ARRB1: variants seen among roughly 807,000 people sequenced by gnomAD.
ARRB1 encodes the protein arrestin beta 1.
Under a neutral mutation model 56.8 loss-of-function variants are expected in ARRB1, and 21 were observed. The ratio of observed to expected loss-of-function variants is 0.37; its 90% CI spans 0.26 to 0.53. ARRB1 has a LOEUF of 0.53. Among genes scored for constraint, ARRB1 ranks in the 20% least tolerant of loss-of-function variants. The pLI, the probability that ARRB1 is intolerant of heterozygous loss-of-function variation, is 0.88. For missense variants in ARRB1, 424 were observed against 553.7 expected (o/e 0.77, Z 2.35); for synonymous variants, 210 against 218.6 (o/e 0.96, Z 0.35).
At chr11:75,339,751 G>A (rs1360587564) in intron 1 of ARRB1, among the ~76,000 whole-genome samples, 1 of 152,224 alleles carries the variant, frequency 6.6e-6, no homozygotes, top group Non-Finnish European at 1.5e-5. Flanking sequence ...TGAGGGCAGA[G>A]ACTTGTCTGG....
intron 14 of ARRB1, 121 bp from the exon 15 acceptor site, chr11:75,267,824 G>C (rs35011100): frequency 6.2e-4 from 506 of 810,220 alleles, no homozygotes; most frequent in Non-Finnish European, 9.3e-4. Flanking sequence ...AAAGGATAAA[G>C]GGGAATGGAG....
intron 1 of ARRB1, among the ~76,000 whole-genome samples, chr11:75,329,516 C>A (rs1947487782): frequency 6.6e-6 from 1 of 152,072 alleles, no homozygotes; most frequent in Admixed American, 6.5e-5. Context: ...CTTGCAGAGC[C>A]CCTCCTGTTA....
intron 13 of ARRB1, chr11:75,269,176 C>T (rs560755630): frequency 2.6e-5 from 19 of 737,234 alleles, no homozygotes; most frequent in Non-Finnish European, 4.5e-5. Flanking sequence ...GAAATGGAAG[C>T]CTCCTCTTTC....
At chr11:75,302,317 G>A (rs980564368) in intron 1 of ARRB1, among the ~76,000 whole-genome samples, 6 of 152,236 alleles carry the variant, frequency 3.9e-5, no homozygotes, top group Admixed American at 2.0e-4. Flanking sequence ...TGGCCATGAA[G>A]CATATTTTTG....
intron 3 of ARRB1, among the ~76,000 whole-genome samples, chr11:75,285,367 CAGG>C (rs1946445166): frequency 3.3e-5 from 5 of 152,254 alleles, no homozygotes; most frequent in African/African-American, 1.2e-4. Flanking sequence ...CTCAGCACCC[CAGG>C]AGGCCAGAAA....
chr11:75,279,203 G>A (rs1946271323), intron 7 of ARRB1, among the ~76,000 whole-genome samples: 1 of 152,224 alleles, frequency 6.6e-6, no homozygotes, highest in Non-Finnish European at 1.5e-5. Context: ...GACTGTGCCT[G>A]CCATATAATA....
chr11:75,272,589 T>C (rs1946094254), intron 12 of ARRB1, among the ~76,000 whole-genome samples: 1 of 152,014 alleles, frequency 6.6e-6, no homozygotes, highest in African/African-American at 2.4e-5. Context: ...GCAAAGACTC[T>C]GAGGACGCCG....
Position 75,282,106 on chromosome 11 carries a change from C to T in ARRB1, c.355-85G>A, listed in dbSNP as rs1946356694. On this transcript the variant is annotated intron_variant, in intron 5 of 15. Coordinates refer to ENST00000420843, the MANE Select transcript of ARRB1 (RefSeq NM_004041.5). ...ATTGCAGCCCAGACACTCCCATACA[C>T]CCATCAGACCAAGGGCCCCAGGGGA... The T allele has an allele frequency of 3.5e-6, 5 of 1,440,006 alleles. No homozygotes were observed. In the South Asian group the frequency reaches 5.9e-5, roughly 17 times the overall value. The allele number at this position is 1,440,006 out of a possible 1,614,324, so 89.2% of individuals were successfully genotyped here. A position where few individuals can be genotyped will look rare whatever the true frequency, so the allele number is the denominator to read the frequency against.
At position 75,321,265 on chromosome 11, in the gene ARRB1, A is replaced by ACC. The variant is rs113494468; in HGVS notation, c.20+30321_20+30322dup. Reference sequence around the variant, plus strand: ...AGAAAATCCCACCCCATTCCTGCTCACCCCCCCCCACCACCATCCCCCCAC... The same window carrying ACC: ...AGAAAATCCCACCCCATTCCTGCTCACCCCCCCCCCCACCACCATCCCCCCAC... On this transcript the variant is annotated intron_variant, in intron 1 of 15. Coordinates refer to ENST00000420843, the MANE Select transcript of ARRB1 (RefSeq NM_004041.5). Among the ~76,000 whole-genome samples, 453 of 52,258 alleles carry ACC rather than the reference A, an allele frequency of 8.7e-3. 1 individual carries two copies. The highest frequency in any genetic ancestry group is 0.027 in the African/African-American group (424 of 15,656). 34.3% of individuals were successfully genotyped at this position (52,258 alleles called of 152,430 possible).
At position 75,301,031 on chromosome 11, in the gene ARRB1, C is replaced by T. The variant is rs148648409; in HGVS notation, c.21-10992G>A. 1.7e-3 allele frequency among the ~76,000 whole-genome samples: 259 copies of T among 150,526 alleles called. 1 individual carries two copies. Among genetic ancestry groups the T allele is most frequent in the African/African-American group, 5.9e-3 (239 of 40,794 alleles). On this transcript the variant is annotated intron_variant, in intron 1 of 15. Transcript: ENST00000420843. The stretch of plus-strand genomic sequence containing the variant: ...TGGTCGTGGGCGCCTGTAGTCCCAG[C>T]TACTCTGGAGGCTGAGACAGGAGAA...
chr11:75,278,751 G>A lies in ARRB1; in HGVS notation c.483-7C>T, dbSNP rs1946256761. Reference sequence around the variant, plus strand: ...GACCAGACGCACAGAATTCCTAATGGAGATGGGCGGAGTGAAAGAGGACCA... The same window carrying A: ...GACCAGACGCACAGAATTCCTAATGAAGATGGGCGGAGTGAAAGAGGACCA... On this transcript the variant is annotated splice_polypyrimidine_tract_variant and splice_region_variant and intron_variant, in intron 7 of 15. Coordinates refer to ENST00000420843, the MANE Select transcript of ARRB1 (RefSeq NM_004041.5). The A allele has an allele frequency of 1.2e-5, 20 of 1,601,560 alleles. No individual in the cohort carries two copies. The East Asian group carries it at 4.5e-4, about 36-fold the overall frequency.
intron 5 of ARRB1, among the ~76,000 whole-genome samples, chr11:75,282,745 A>G (rs1789681): frequency 0.93 from 141,692 of 152,276 alleles, 66,038 homozygotes; most frequent in African/African-American, 0.96. Context: ...ATGTCTACGT[A>G]GAAAAGGTGA....
At chr11:75,308,381 T>C (rs138916133) in intron 1 of ARRB1, among the ~76,000 whole-genome samples, 2 of 152,272 alleles carry the variant, frequency 1.3e-5, no homozygotes, top group African/African-American at 4.8e-5. Flanking sequence ...ACTAAGTAAA[T>C]GTTTACTGAA....
At chr11:75,335,085 C>T (rs1947581591) in intron 1 of ARRB1, 1 of 184,572 alleles carries the variant, frequency 5.4e-6, no homozygotes, top group South Asian at 1.0e-4. Context: ...CTGCATCAGC[C>T]TCATGGTGAA....
chr11:75,327,080 C>T (rs530317693), intron 1 of ARRB1, among the ~76,000 whole-genome samples: 55 of 151,700 alleles, frequency 3.6e-4, no homozygotes, highest in African/African-American at 1.2e-3. Context: ...TTTGGGAGGC[C>T]GAGGCGGGCG....
chr11:75,345,824 C>T (rs1947759013), intron 1 of ARRB1, among the ~76,000 whole-genome samples: 1 of 152,098 alleles, frequency 6.6e-6, no homozygotes, highest in Non-Finnish European at 1.5e-5. Flanking sequence ...AATTTCAGCA[C>T]TTAGGGAGTC....
intron 7 of ARRB1, 125 bp downstream of exon 7, chr11:75,280,949 CA>C: frequency 1.2e-5 from 14 of 1,183,024 alleles, no homozygotes; most frequent in Non-Finnish European, 1.7e-5. Context: ...AGTGCCCTTC[CA>C]AGGCTGGAAT....
Position 75,262,616 on chromosome 11 carries a change from C to A in ARRB1, c.*3547G>T, listed in dbSNP as rs552827869. The A allele has an allele frequency of 2.6e-5, 4 of 152,348 alleles. No homozygotes were observed. In the South Asian group the frequency reaches 8.3e-4, roughly 32 times the overall value. 9.4% of individuals were successfully genotyped at this position (152,348 alleles called of 1,614,324 possible). On this transcript the variant is annotated 3_prime_UTR_variant, in exon 16 of 16. Coordinates refer to ENST00000420843, the MANE Select transcript of ARRB1 (RefSeq NM_004041.5). ...CATTTTCAACTTACAGAGCCCTGACCGCTGACTTTCATCTCATCTGGGCCT... is the reference window on the plus strand; with the variant it reads ...CATTTTCAACTTACAGAGCCCTGACAGCTGACTTTCATCTCATCTGGGCCT...
chr11:75,266,892 G>T (rs565376235), intron 15 of ARRB1, among the ~76,000 whole-genome samples: 3 of 152,298 alleles, frequency 2.0e-5, no homozygotes, highest in Admixed American at 6.5e-5. Context: ...GGGGGCAGAG[G>T]ACCTGTTCGT....
Sources: gnomAD v4.1 joint callset for allele counts (sites outside exome capture counted in the v4.1 genomes callset) on GRCh38, gnomAD v4.1.1 for gene constraint, MANE v1.5 for transcripts, NCBI Gene and HGNC (gene_info 2026-07-23, HGNC 2026-07-21) for gene names.